The following OSBPL1A variants were observed in gnomAD, a reference collection of about 807,000 sequenced individuals.
OSBPL1A encodes oxysterol-binding protein-related protein 1.
OSBPL1A carries 80 observed loss-of-function variants against 137.1 expected under a neutral mutation model. The ratio of observed to expected loss-of-function variants is 0.58; its 90% CI spans 0.49 to 0.70. The LOEUF (loss-of-function observed/expected upper bound fraction) is 0.70. Ranked by LOEUF, OSBPL1A falls within the 30% of genes least tolerant of loss-of-function variation. OSBPL1A has a pLI of 0.00. For missense variants in OSBPL1A, 970 were observed against 1,129.4 expected, an observed-to-expected ratio of 0.86 and a Z score of 2.02; for synonymous variants, 365 against 389.7, an observed-to-expected ratio of 0.94 and a Z score of 0.75.
intron 4 of OSBPL1A, among the ~76,000 whole-genome samples, chr18:24,348,787 G>T (rs2091389436): frequency 1.3e-5 from 2 of 151,752 alleles, no homozygotes; most frequent in African/African-American, 4.8e-5. Flanking sequence ...AGAAAAAAAA[G>T]AAAAAAGCCT....
At chr18:24,208,698 T>C (rs1164030887) in intron 17 of OSBPL1A, among the ~76,000 whole-genome samples, 1 of 152,194 alleles carries the variant, frequency 6.6e-6, no homozygotes, top group Non-Finnish European at 1.5e-5. Flanking sequence ...ACCTGTAATA[T>C]AGGTACTTAG....
chr18:24,334,763 TA>T (rs2091144153), intron 5 of OSBPL1A, among the ~76,000 whole-genome samples: 1 of 152,286 alleles, frequency 6.6e-6, no homozygotes, highest in African/African-American at 2.4e-5. Flanking sequence ...AATTGCCACA[TA>T]AAAATATAAA....
chr18:24,170,691 G>C (rs967622233), intron 23 of OSBPL1A: 41 of 469,110 alleles, frequency 8.7e-5, no homozygotes, highest in African/African-American at 6.7e-4. Context: ...CTGTTACTCA[G>C]GCTGGAGTAC....
chr18:24,240,675 T>C (rs1009702380), intron 15 of OSBPL1A, among the ~76,000 whole-genome samples: 2 of 152,210 alleles, frequency 1.3e-5, no homozygotes, highest in Non-Finnish European at 2.9e-5. Context: ...AATAATCTAA[T>C]CAGAAGTCTT....
At chr18:24,354,243 G>A (rs550150140) in intron 4 of OSBPL1A, among the ~76,000 whole-genome samples, 1 of 152,154 alleles carries the variant, frequency 6.6e-6, no homozygotes, top group South Asian at 2.1e-4. Flanking sequence ...ACAGAACTAG[G>A]ATGGAGGCTA....
intron 5 of OSBPL1A, among the ~76,000 whole-genome samples, chr18:24,341,205 C>A (rs530857062): frequency 6.6e-6 from 1 of 152,102 alleles, no homozygotes; most frequent in Non-Finnish European, 1.5e-5. Context: ...AGGGGTTTCG[C>A]CATGTTGCCC....
chr18:24,199,883 A>G (rs1047502327), intron 17 of OSBPL1A, among the ~76,000 whole-genome samples: 4 of 152,174 alleles, frequency 2.6e-5, no homozygotes, highest in Non-Finnish European at 4.4e-5. Context: ...TGCCAGGAAC[A>G]AGACAGGCTC....
chr18:24,342,812 C>T (rs2091293509), intron 4 of OSBPL1A, among the ~76,000 whole-genome samples: 1 of 151,916 alleles, frequency 6.6e-6, no homozygotes, highest in African/African-American at 2.4e-5. Flanking sequence ...TGTTTTATAG[C>T]TACATTTCCC....
intron 17 of OSBPL1A, among the ~76,000 whole-genome samples, chr18:24,203,875 T>A (rs2087292767): frequency 6.6e-6 from 1 of 152,260 alleles, no homozygotes; most frequent in Non-Finnish European, 1.5e-5. Flanking sequence ...ATACTAATTA[T>A]TTTAAGGAAT....
chr18:24,204,435 A>C (rs1461787105), intron 17 of OSBPL1A, among the ~76,000 whole-genome samples: 1 of 152,066 alleles, frequency 6.6e-6, no homozygotes, highest in African/African-American at 2.4e-5. Context: ...TTTGTCACCT[A>C]GATTGTACAT....
At chr18:24,257,576 T>C (rs1455341961) in intron 15 of OSBPL1A, among the ~76,000 whole-genome samples, 1 of 152,124 alleles carries the variant, frequency 6.6e-6, no homozygotes, top group Non-Finnish European at 1.5e-5. Context: ...TGGGCAAATA[T>C]TTCTTAGTAA....
chr18:24,251,661 G>A (rs2089102032), intron 15 of OSBPL1A, among the ~76,000 whole-genome samples: 1 of 152,126 alleles, frequency 6.6e-6, no homozygotes, highest in East Asian at 1.9e-4. Context: ...TCAATGCCCA[G>A]ACACCAAAGA....
At chr18:24,291,224 A>T (rs1372798457) in intron 14 of OSBPL1A, among the ~76,000 whole-genome samples, 1 of 152,218 alleles carries the variant, frequency 6.6e-6, no homozygotes, top group African/African-American at 2.4e-5. Flanking sequence ...TTCTGAAAAA[A>T]ATGCTTTAAA....
rs550994232 is a variant in OSBPL1A at position 24,255,381 on chromosome 18, C to T, written c.1282-15999G>A. Among the ~76,000 whole-genome samples, 6 of 152,182 alleles carry T rather than the reference C, an allele frequency of 3.9e-5. No individual in the cohort carries two copies. The East Asian group carries it at 9.7e-4, about 25-fold the overall frequency. On this transcript the variant is annotated intron_variant, in intron 15 of 27. Coordinates refer to ENST00000319481, the MANE Select transcript of OSBPL1A (RefSeq NM_080597.4). ...CGTGAAAGGAAAATAAATCTTGGGG[C>T]CCCCAAATTACTAAACTAAGGGGAA...
intron 18 of OSBPL1A, among the ~76,000 whole-genome samples, chr18:24,182,714 A>T (rs9959658): frequency 4.6e-5 from 7 of 151,950 alleles, no homozygotes; most frequent in African/African-American, 1.5e-4. Context: ...TGGGGAGATG[A>T]GGGAAAACAG....
chr18:24,286,857 G>A (rs1486275104), intron 14 of OSBPL1A, among the ~76,000 whole-genome samples: 1 of 152,082 alleles, frequency 6.6e-6, no homozygotes, highest in Non-Finnish European at 1.5e-5. Context: ...GCTAAGTGCT[G>A]GAGAAAAAGG....
chr18:24,343,201 A>G (rs1345224961), intron 4 of OSBPL1A, among the ~76,000 whole-genome samples: 1 of 152,146 alleles, frequency 6.6e-6, no homozygotes, highest in East Asian at 1.9e-4. Flanking sequence ...AGGGAAACCA[A>G]GAAAAACAAT....
chr18:24,232,182 G>C (rs965520650), intron 16 of OSBPL1A, among the ~76,000 whole-genome samples: 22 of 152,170 alleles, frequency 1.4e-4, no homozygotes, highest in African/African-American at 5.1e-4. Context: ...CTCAGAAATA[G>C]CACAGTAAAT....
chr18:24,334,356 C>A, intron 5 of OSBPL1A, 26 bp from the exon 6 acceptor site: 1 of 1,537,052 alleles, frequency 6.5e-7, no homozygotes. Context: ...ACTTATTATC[C>A]ACTGCTAGTC....
Sources: allele counts gnomAD v4.1 joint callset (sites outside exome capture counted in the v4.1 genomes callset), GRCh38; gene constraint gnomAD v4.1.1; transcripts MANE v1.5; gene names NCBI Gene and HGNC (gene_info 2026-07-23, HGNC 2026-07-21).